ONECUT1: variants seen among roughly 807,000 people sequenced by gnomAD.
ONECUT1 encodes one cut homeobox 1, also known as hepatocyte nuclear factor 6.
Under a neutral mutation model 25.6 loss-of-function variants are expected in ONECUT1, and 12 were observed. The observed-to-expected ratio is 0.47, with a 90% CI of 0.30 to 0.76. The LOEUF is 0.76. Among genes scored for constraint, ONECUT1 ranks in the 30% least tolerant of loss-of-function variants. The pLI is 0.07. For missense variants in ONECUT1, 620 were observed against 651.2 expected (o/e 0.95, Z 0.52); for synonymous variants, 285 against 270.2 (o/e 1.05, Z -0.54).
In ONECUT1 at chr15:52,790,059, G is replaced by T; in HGVS notation, c.-175C>A. ...TCTCCGTGTGTGTGTGTCCGTGTGT[G>T]CGTGTGCGTGTGTGTGTGTGTGTGT... On this transcript the variant is annotated 5_prime_UTR_variant, in exon 1 of 2. Transcript: ENST00000305901. The T allele has an allele frequency of 1.0e-6, 1 of 978,712 alleles. No homozygotes were observed. Among genetic ancestry groups the T allele is most frequent in the Non-Finnish European group, 1.3e-6 (1 of 751,214 alleles). 60.6% of individuals were successfully genotyped at this position (978,712 alleles called of 1,614,324 possible).
Position 52,789,113 on chromosome 15 carries a change from C to A in ONECUT1, c.772G>T (p.Ala258Ser). The change falls in exon 1 of 2, where the codon GCC becomes TCC. Residue 258 changes from alanine to serine, a missense_variant. Ala to Ser is a moderately conservative substitution (Grantham distance 99). Coordinates refer to ENST00000305901, the MANE Select transcript of ONECUT1 (RefSeq NM_004498.4). This position sits in a 1 kb window ranked among gnomAD's most constrained non-coding sequence, Gnocchi z 4.1. Reference sequence around the variant, plus strand: ...CCCAGGAGTTGCCCGTGGCCCTGGGCGTTCAGGTGGGCGTGGGGATGGTGC... The same window carrying A: ...CCCAGGAGTTGCCCGTGGCCCTGGGAGTTCAGGTGGGCGTGGGGATGGTGC... ...PPHHPHAHLNAQGHGQLLGTA... is the reference protein window; with the variant it reads ...PPHHPHAHLNSQGHGQLLGTA... 6.2e-7 allele frequency: 1 copy of A among 1,601,074 alleles called. No individual in the cohort carries two copies. Among genetic ancestry groups the A allele is most frequent in the Non-Finnish European group, 8.5e-7 (1 of 1,179,730 alleles).
At chr15:52,781,926 CT>C (rs2083843715) in intron 1 of ONECUT1, among the ~76,000 whole-genome samples, 1 of 152,236 alleles carries the variant, frequency 6.6e-6, no homozygotes, top group South Asian at 2.1e-4. Flanking sequence ...AAAACTTAAG[CT>C]TCTTCCTTAT....
chr15:52,763,026 C>T (rs1251277608), intron 1 of ONECUT1, among the ~76,000 whole-genome samples: 2 of 152,290 alleles, frequency 1.3e-5, no homozygotes, highest in East Asian at 3.9e-4. Context: ...AGAAGTAGTG[C>T]TGCTTAGGGA....
Position 52,755,902 on chromosome 15 carries a change from T to G in ONECUT1, c.*1653A>C, listed in dbSNP as rs929494956. ...ACTTCATTTTTTTTTTGACTTTGAC[T>G]TCTACAGCTCTGGTTAAGTGATTTG... On this transcript the variant is annotated 3_prime_UTR_variant, in exon 2 of 2. Transcript: ENST00000305901. 6.6e-6 allele frequency among the ~76,000 whole-genome samples: 1 copy of G among 152,176 alleles called. No individual in the cohort carries two copies. Among genetic ancestry groups the G allele is most frequent in the African/African-American group, 2.4e-5 (1 of 41,426 alleles).
intron 1 of ONECUT1, among the ~76,000 whole-genome samples, chr15:52,766,899 CATGGTG>C (rs1476986754): frequency 1.3e-5 from 2 of 152,158 alleles, no homozygotes; most frequent in Non-Finnish European, 2.9e-5. Flanking sequence ...GTGAATAAAA[CATGGTG>C]ATGGACCTGT....
At chr15:52,769,403 T>C (rs1054958035) in intron 1 of ONECUT1, among the ~76,000 whole-genome samples, 1 of 152,238 alleles carries the variant, frequency 6.6e-6, no homozygotes, top group African/African-American at 2.4e-5. Flanking sequence ...GTGCATAGAA[T>C]GAAGTTCCAT....
intron 1 of ONECUT1, among the ~76,000 whole-genome samples, chr15:52,777,359 C>G (rs548116743): frequency 4.0e-5 from 6 of 149,958 alleles, no homozygotes; most frequent in Admixed American, 6.6e-5. Flanking sequence ...TATTCTCCCC[C>G]CTTCTCTCCC....
rs76268400 is a variant in ONECUT1, at chr15:52,788,863, T to G, written c.1022A>C (p.Lys341Thr). 4 of 1,614,046 alleles carry G rather than the reference T, an allele frequency of 2.5e-6. No individual in the cohort carries two copies. The highest frequency in any genetic ancestry group is 3.4e-6 in the Non-Finnish European group (4 of 1,180,014). ...LRNPKPWSKL[K>T]SGRETFRRMW... The stretch of plus-strand genomic sequence containing the variant: ...CCTCCGGAAGGTCTCCCGGCCGGAT[T>G]TGAGTTTGCTCCAGGGTTTGGGGTT... Residue 341 changes from lysine to threonine, a missense_variant, in exon 1 of 2, where the codon AAA (lysine) becomes ACA (threonine). Around this residue, in one of 4 missense-constraint regions of ONECUT1, gnomAD observed 146 missense variants for 201.8 expected, o/e 0.72. Transcript: ENST00000305901. This position sits in a 1 kb window ranked among gnomAD's most constrained non-coding sequence, Gnocchi z 4.3.
In ONECUT1 at chr15:52,789,226, G is replaced by T. The variant is rs2083899153; in HGVS notation, c.659C>A (p.Ala220Asp). The T allele has an allele frequency of 3.9e-6, 6 of 1,558,200 alleles. No individual in the cohort carries two copies. Among genetic ancestry groups the T allele is most frequent in the Non-Finnish European group, 5.2e-6 (6 of 1,154,534 alleles). ...DKMLTPNGFE[A>D]HHPAMLGRHG... Reference sequence around the variant, plus strand: ...GCGGCCGAGCATGGCCGGGTGGTGGGCTTCGAAGCCGTTGGGGGTGAGCAT... The same window carrying T: ...GCGGCCGAGCATGGCCGGGTGGTGGTCTTCGAAGCCGTTGGGGGTGAGCAT... The change falls in exon 1 of 2, where the codon GCC becomes GAC. Residue 220 changes from alanine (A) to aspartate (D), a missense_variant. By Grantham distance (126) the Ala-to-Asp change is moderately radical (BLOSUM62 -2). Coordinates refer to ENST00000305901, the MANE Select transcript of ONECUT1 (RefSeq NM_004498.4). The surrounding 1 kb of genome is among the most constrained non-coding windows in gnomAD (Gnocchi z 4.1).
At chr15:52,774,714 T>C (rs967410303) in intron 1 of ONECUT1, among the ~76,000 whole-genome samples, 2 of 152,222 alleles carry the variant, frequency 1.3e-5, no homozygotes. Context: ...ACTAAGGCTA[T>C]GTCATGACAA....
At chr15:52,780,006 G>C (rs2083830271) in intron 1 of ONECUT1, among the ~76,000 whole-genome samples, 1 of 152,196 alleles carries the variant, frequency 6.6e-6, no homozygotes, top group African/African-American at 2.4e-5. Flanking sequence ...GGCTTTTGAA[G>C]CCTGTAGTGG....
chr15:52,777,497 G>A (rs989341417), intron 1 of ONECUT1, among the ~76,000 whole-genome samples: 2 of 152,084 alleles, frequency 1.3e-5, no homozygotes, highest in Non-Finnish European at 2.9e-5. Context: ...CAGCTGTGCT[G>A]GGAAAGAAAC....
chr15:52,769,648 C>G (rs1245836578), intron 1 of ONECUT1, among the ~76,000 whole-genome samples: 1 of 152,152 alleles, frequency 6.6e-6, no homozygotes, highest in Non-Finnish European at 1.5e-5. Context: ...AAGGAGCAGA[C>G]TAGAGCAACA....
chr15:52,755,144 G>T lies in ONECUT1; in HGVS notation c.*2411C>A, dbSNP rs1313667005. On this transcript the variant is annotated 3_prime_UTR_variant, in exon 2 of 2. Transcript: ENST00000305901. ...TTGGGGTATTGAATTTGGTAAGATT[G>T]TGTGTAGACACAGCTTGAATTTCCC... Among the ~76,000 whole-genome samples, 3 of 151,708 alleles carry T rather than the reference G, an allele frequency of 2.0e-5. No individual in the cohort carries two copies. The highest frequency in any genetic ancestry group is 4.4e-5 in the Non-Finnish European group (3 of 67,966).
intron 1 of ONECUT1, among the ~76,000 whole-genome samples, chr15:52,785,346 A>C (rs1566994512): frequency 6.6e-6 from 1 of 151,878 alleles, no homozygotes; most frequent in Non-Finnish European, 1.5e-5. Flanking sequence ...CCCCGACCGA[A>C]CCCCTCCCCC....
chr15:52,759,766 A>C (rs2083694866), intron 1 of ONECUT1, among the ~76,000 whole-genome samples: 1 of 84,640 alleles, frequency 1.2e-5, no homozygotes, highest in Non-Finnish European at 2.5e-5. Context: ...CAACCTGGCT[A>C]ATTTTTTTGA....
rs138563653 is a variant in ONECUT1 at position 52,776,231 on chromosome 15, C to T, written c.1105+12549G>A. On this transcript the variant is annotated intron_variant, in intron 1 of 1. Coordinates refer to ENST00000305901, the MANE Select transcript of ONECUT1 (RefSeq NM_004498.4). ...TACAGAAGCCAGAGAGCCCACCTATCGTAGGAATGTATTTGAGAGGGTGAA... is the reference window on the plus strand; with the variant it reads ...TACAGAAGCCAGAGAGCCCACCTATTGTAGGAATGTATTTGAGAGGGTGAA... 5.2e-3 allele frequency among the ~76,000 whole-genome samples: 787 copies of T among 152,282 alleles called. 3 individuals are homozygous for T. Among genetic ancestry groups the T allele is most frequent in the Non-Finnish European group, 7.4e-3 (506 of 68,014 alleles).
At chr15:52,777,738 A>ACACACACACACAC (rs1555416123) in intron 1 of ONECUT1, among the ~76,000 whole-genome samples, 45 of 97,022 alleles carry the variant, frequency 4.6e-4, no homozygotes, top group African/African-American at 3.1e-3. Context: ...ACACACACAC[A>ACACACACACACAC]AAAAAACATG....
intron 1 of ONECUT1, among the ~76,000 whole-genome samples, chr15:52,774,166 G>C (rs902984753): frequency 6.0e-5 from 7 of 116,848 alleles, no homozygotes; most frequent in African/African-American, 1.3e-4. Flanking sequence ...CACACACACA[G>C]AGGGTTATCT....
Sources: allele counts gnomAD v4.1 joint callset (sites outside exome capture counted in the v4.1 genomes callset), GRCh38; gene constraint gnomAD v4.1.1; regional missense constraint gnomAD v4.1.1; non-coding constraint Gnocchi (gnomAD v3.1); transcripts MANE v1.5; gene names NCBI Gene and HGNC (gene_info 2026-07-23, HGNC 2026-07-21).